Variants in EDARADD observed in about 807,000 individuals in gnomAD.
EDARADD encodes the protein ectodysplasin-A receptor-associated adapter protein.
In EDARADD, 20 loss-of-function variants were observed where a neutral mutation model predicts 25.6. That is an observed-to-expected ratio of 0.78 (90% CI 0.55 to 1.14). The LOEUF (loss-of-function observed/expected upper bound fraction) is 1.14. EDARADD is among the 50% of genes most tolerant of loss of function. The pLI is 0.00. For synonymous variants in EDARADD, 86 were observed against 94.4 expected (o/e 0.91, Z 0.52); for missense variants, 225 against 270.1 (o/e 0.83, Z 1.17).
chr1:236,479,953 G>A (rs1197559014), intron 5 of EDARADD, among the ~76,000 whole-genome samples: 1 of 151,476 alleles, frequency 6.6e-6, no homozygotes, highest in African/African-American at 2.4e-5. Flanking sequence ...GGCTGAGGCA[G>A]GAGAATTGCT....
chr1:236,390,542 G>T (rs1386864362), upstream of EDARADD, among the ~76,000 whole-genome samples: 1 of 152,058 alleles, frequency 6.6e-6, no homozygotes, highest in Admixed American at 6.5e-5. Context: ...GACAGAGCGA[G>T]ACTCCGTCTC....
intron 3 of EDARADD, among the ~76,000 whole-genome samples, chr1:236,416,157 G>T (rs1657635950): frequency 6.6e-6 from 1 of 152,150 alleles, no homozygotes; most frequent in South Asian, 2.1e-4. Flanking sequence ...CAGGTCTCAG[G>T]GTCTCTGTTT....
chr1:236,400,507 C>A (rs1667595319), intron 1 of EDARADD, among the ~76,000 whole-genome samples: 1 of 152,078 alleles, frequency 6.6e-6, no homozygotes, highest in South Asian at 2.1e-4. Context: ...CGCAGCAGCA[C>A]CCCTGCAGCT....
chr1:236,412,623 G>A (rs114635598), intron 2 of EDARADD, among the ~76,000 whole-genome samples: 326 of 152,206 alleles, frequency 2.1e-3, no homozygotes, highest in African/African-American at 7.5e-3. Flanking sequence ...CTCCTGCCAT[G>A]CCTGCCACCA....
chr1:236,376,945 C>A (rs2102994958), intron 3 of EDARADD, among the ~76,000 whole-genome samples: 1 of 151,978 alleles, frequency 6.6e-6, no homozygotes, highest in East Asian at 1.9e-4. Context: ...TTTCCTCAGC[C>A]ATGTCCAGTC....
rs376731607 is a variant in EDARADD, at chr1:236,482,624, G to A, written c.623G>A (p.Arg208His). ...GACGAGGAGTGGCCCAAGCGGGAGC[G>A]TGGAGACCCCTCCAGGCACTTCTAG... is the stretch of plus-strand genomic sequence containing the variant. Reference protein sequence around the residue: ...WVDEEWPKRERGDPSRHF With the variant: ...WVDEEWPKREHGDPSRHF The change falls in exon 6 of 6, where the codon CGT becomes CAT. Residue 208 changes from arginine to histidine, a missense_variant. Coordinates refer to ENST00000334232, the MANE Select transcript of EDARADD (RefSeq NM_145861.4). 58 of 1,612,044 alleles carry A rather than the reference G, an allele frequency of 3.6e-5. No individual in the cohort carries two copies. Among genetic ancestry groups the A allele is most frequent in the East Asian group, 1.1e-4 (5 of 44,888 alleles).
chr1:236,477,212 G>A (rs1273634711), intron 5 of EDARADD, among the ~76,000 whole-genome samples: 1 of 151,948 alleles, frequency 6.6e-6, no homozygotes, highest in Non-Finnish European at 1.5e-5. Context: ...TGTATTATTA[G>A]TCATTAGAAG....
upstream of EDARADD, among the ~76,000 whole-genome samples, chr1:236,392,822 A>T (rs1667443284): frequency 6.6e-6 from 1 of 152,122 alleles, no homozygotes; most frequent in African/African-American, 2.4e-5. Context: ...GGTGCCTGTC[A>T]CCACGCCCAG....
At chr1:236,405,874 C>CTTCCTTCTTTCTTTCTTTCT (rs56931070) in intron 1 of EDARADD, among the ~76,000 whole-genome samples, 19 of 30,902 alleles carry the variant, frequency 6.1e-4, no homozygotes, top group East Asian at 5.1e-3. Flanking sequence ...TCCTTCCTTC[C>CTTCCTTCTTTCTTTCTTTCT]TTCTTTCTTT....
At chr1:236,468,452 C>T (rs925346100) in intron 5 of EDARADD, among the ~76,000 whole-genome samples, 176 bp downstream of exon 5, 2 of 152,086 alleles carry the variant, frequency 1.3e-5, no homozygotes, top group East Asian at 1.9e-4. Flanking sequence ...GGTAAAACCC[C>T]GTCTCTACCA....
intron 3 of EDARADD, among the ~76,000 whole-genome samples, chr1:236,356,886 C>T (rs1329866526): frequency 6.6e-6 from 1 of 152,034 alleles, no homozygotes; most frequent in Non-Finnish European, 1.5e-5. Flanking sequence ...GAGTTCGAGA[C>T]CAGCCTGGAC....
intron 3 of EDARADD, among the ~76,000 whole-genome samples, chr1:236,377,307 C>T (rs949859688): frequency 6.6e-6 from 1 of 150,406 alleles, no homozygotes; most frequent in Admixed American, 6.6e-5. Context: ...AGGGGCATGC[C>T]ACCACACCCA....
intron 2 of EDARADD, among the ~76,000 whole-genome samples, chr1:236,410,768 C>A (rs1194652007): frequency 6.6e-6 from 1 of 152,190 alleles, no homozygotes; most frequent in East Asian, 1.9e-4. Flanking sequence ...TGTAATTCAA[C>A]TAAATGTCTT....
intron 5 of EDARADD, among the ~76,000 whole-genome samples, chr1:236,478,359 ATGTGTGTGTGTG>A (rs35531700): frequency 1.1e-4 from 16 of 144,806 alleles, no homozygotes; most frequent in African/African-American, 2.1e-4. Flanking sequence ...CCATATATAT[ATGTGTGTGTGTG>A]TGTGTGTGTG....
intron 3 of EDARADD, among the ~76,000 whole-genome samples, chr1:236,373,894 A>G (rs184581885): frequency 3.4e-4 from 52 of 152,326 alleles, no homozygotes; most frequent in African/African-American, 1.1e-3. Flanking sequence ...TTTAAAATTT[A>G]TCTTTTGATT....
intron 5 of EDARADD, among the ~76,000 whole-genome samples, chr1:236,475,943 C>A (rs1192278314): frequency 1.3e-5 from 2 of 151,856 alleles, no homozygotes; most frequent in Admixed American, 6.6e-5. Context: ...GTAATCCTAG[C>A]ACTTTGGGAG....
At chr1:236,471,490 A>T (rs1294231672) in intron 5 of EDARADD, among the ~76,000 whole-genome samples, 1 of 151,760 alleles carries the variant, frequency 6.6e-6, no homozygotes, top group Admixed American at 6.6e-5. Context: ...AAAAAGCATG[A>T]TTATACCCCC....
intron 5 of EDARADD, among the ~76,000 whole-genome samples, chr1:236,479,407 A>T (rs548421228): frequency 1.3e-5 from 2 of 151,048 alleles, no homozygotes; most frequent in East Asian, 4.0e-4. Flanking sequence ...AGGTGAGAGT[A>T]TTGCTTGAGC....
chr1:236,482,834 T>C lies in EDARADD; in HGVS notation c.*185T>C. ...TTCGGTGGTGGATCTCTGTTTATTT[T>C]TGCACATCTGTTATAATTTAATATT... On this transcript the variant is annotated 3_prime_UTR_variant, in exon 6 of 6. Coordinates refer to ENST00000334232, the MANE Select transcript of EDARADD (RefSeq NM_145861.4). The C allele has an allele frequency of 1.4e-6, 1 of 740,732 alleles. No homozygotes were observed. Among genetic ancestry groups the C allele is most frequent in the Non-Finnish European group, 2.2e-6 (1 of 457,156 alleles). 45.9% of individuals were successfully genotyped at this position (740,732 alleles called of 1,614,324 possible).
Sources: gnomAD v4.1 joint callset for allele counts (sites outside exome capture counted in the v4.1 genomes callset) on GRCh38, gnomAD v4.1.1 for gene constraint, MANE v1.5 for transcripts, NCBI Gene and HGNC (gene_info 2026-07-23, HGNC 2026-07-21) for gene names.